The following AK7 variants were observed in gnomAD, a reference collection of about 807,000 sequenced individuals.
AK7 encodes the protein adenylate kinase 7, also known as ATP-AMP transphosphorylase 7.
A neutral mutation model predicts 96.6 loss-of-function variants in AK7; 78 were observed. The ratio of observed to expected loss-of-function variants is 0.81; its 90% CI spans 0.67 to 0.97. The LOEUF is 0.97. Among genes scored for constraint, AK7 ranks in the 50% least tolerant of loss-of-function variants. The pLI is 0.00. For synonymous variants in AK7, 302 were observed against 317.2 expected (o/e 0.95, Z 0.51); for missense variants, 855 against 887.9 (o/e 0.96, Z 0.47).
At chr14:96,400,185 C>T (rs1284603492) in intron 2 of AK7, among the ~76,000 whole-genome samples, 1 of 151,728 alleles carries the variant, frequency 6.6e-6, no homozygotes, top group African/African-American at 2.4e-5. Flanking sequence ...ACTACAAGCG[C>T]GTGCCACCAC....
rs79217064 is a variant in AK7 at position 96,394,510 on chromosome 14, G to A, written c.105+2251G>A. Among the ~76,000 whole-genome samples, 258 of 152,252 alleles carry A rather than the reference G, an allele frequency of 1.7e-3. 1 individual carries two copies. Among genetic ancestry groups the A allele is most frequent in the African/African-American group, 5.7e-3 (236 of 41,530 alleles). On this transcript the variant is annotated intron_variant, in intron 1 of 17. Transcript: ENST00000267584. ...TGTGGCCCTACTCAGCTCCTAAGCC[G>A]GGATGCACTCATGGTCTGTGCTCCA...
At chr14:96,469,911 G>A (rs924050806) in intron 12 of AK7, among the ~76,000 whole-genome samples, 9 of 151,986 alleles carry the variant, frequency 5.9e-5, no homozygotes, top group Non-Finnish European at 1.0e-4. Flanking sequence ...TCCGCCTCCC[G>A]GGTTCAAGCG....
chr14:96,412,767 G>A (rs576250058), intron 4 of AK7, among the ~76,000 whole-genome samples: 1 of 148,326 alleles, frequency 6.7e-6, no homozygotes, highest in East Asian at 2.0e-4. Flanking sequence ...GGGTTTCACC[G>A]TGTTGGCCAG....
At chr14:96,474,013 C>G (rs1895045237) in intron 14 of AK7, among the ~76,000 whole-genome samples, 1 of 152,176 alleles carries the variant, frequency 6.6e-6, no homozygotes, top group South Asian at 2.1e-4. Flanking sequence ...ACTGAGCAGG[C>G]ATTTCTTGTG....
intron 15 of AK7, 139 bp from the exon 16 acceptor site, chr14:96,482,860 T>G: frequency 1.1e-6 from 1 of 903,754 alleles, no homozygotes; most frequent in Admixed American, 2.7e-5. Context: ...TTCTGAACTA[T>G]GCTGGCAATT....
At chr14:96,480,507 G>A (rs1424424649) in intron 15 of AK7, among the ~76,000 whole-genome samples, 1 of 152,104 alleles carries the variant, frequency 6.6e-6, no homozygotes, top group African/African-American at 2.4e-5. Flanking sequence ...GCAGTGACTG[G>A]GTTTTGTCCT....
rs1890184648 is a variant in AK7 at position 96,398,146 on chromosome 14, T to C, written c.177T>C (p.Asn59=). 6.2e-7 allele frequency: 1 copy of C among 1,614,140 alleles called. No homozygotes were observed. The highest frequency in any genetic ancestry group is 2.2e-5 in the East Asian group (1 of 44,886). The change falls in exon 2 of 18, where the codon AAT becomes AAC. Residue 59 remains asparagine (N), a synonymous_variant. Transcript: ENST00000267584. Reference sequence around the variant, plus strand: ...AGGAAGAGGAAGAGGAAGATGAAAATAAGTCAGCTATGCTGGAAGCTTCCT... The same window carrying C: ...AGGAAGAGGAAGAGGAAGATGAAAACAAGTCAGCTATGCTGGAAGCTTCCT... The part of the protein sequence containing the change: ...ITEEEEEEDE[N]KSAMLEASST...
rs551366819 is a variant in AK7 at position 96,469,189 on chromosome 14, A to C, written c.1358-2289A>C. Reference sequence around the variant, plus strand: ...GGAATTGCAGCTAGATTTCTAGATTAAGTGCCTTTAATTTAACAACAAAGC... The same window carrying C: ...GGAATTGCAGCTAGATTTCTAGATTCAGTGCCTTTAATTTAACAACAAAGC... On this transcript the variant is annotated intron_variant, in intron 12 of 17. Coordinates refer to ENST00000267584, the MANE Select transcript of AK7 (RefSeq NM_152327.5). 2.6e-5 allele frequency among the ~76,000 whole-genome samples: 4 copies of C among 152,358 alleles called. No homozygotes were observed. In the South Asian group the frequency reaches 8.3e-4, roughly 32 times the overall value.
chr14:96,449,213 G>A (rs534752735), intron 8 of AK7, among the ~76,000 whole-genome samples: 1 of 151,866 alleles, frequency 6.6e-6, no homozygotes, highest in South Asian at 2.1e-4. Context: ...TGTAAATTCT[G>A]TGGGACACAG....
intron 4 of AK7, among the ~76,000 whole-genome samples, chr14:96,417,052 G>A (rs570460877): frequency 6.6e-6 from 1 of 152,318 alleles, no homozygotes; most frequent in South Asian, 2.1e-4. Context: ...AAGACAAAGG[G>A]TAGGGCAAAT....
At chr14:96,445,071 CTT>C (rs1426081121) in intron 7 of AK7, among the ~76,000 whole-genome samples, 3 of 152,206 alleles carry the variant, frequency 2.0e-5, no homozygotes, top group Non-Finnish European at 4.4e-5. Flanking sequence ...AGGAAACTAA[CTT>C]TGAAATGACC....
intron 6 of AK7, among the ~76,000 whole-genome samples, chr14:96,442,131 G>A (rs1456616268): frequency 1.3e-5 from 2 of 152,194 alleles, no homozygotes; most frequent in African/African-American, 4.8e-5. Flanking sequence ...CATCATGTCT[G>A]TTTGGTTACT....
intron 10 of AK7, among the ~76,000 whole-genome samples, chr14:96,452,666 T>TC (rs893985229): frequency 1.3e-5 from 2 of 150,426 alleles, no homozygotes; most frequent in Non-Finnish European, 2.9e-5. Flanking sequence ...TCTTTTCTTT[T>TC]CTTTTTTTTT....
chr14:96,418,273 G>A (rs114481482), intron 4 of AK7, among the ~76,000 whole-genome samples: 7,421 of 134,782 alleles, frequency 0.055, 687 homozygotes, highest in African/African-American at 0.19. Context: ...GCAGTGCGCT[G>A]TGATTGTGCC....
intron 5 of AK7, among the ~76,000 whole-genome samples, chr14:96,423,050 G>A (rs1891801927): frequency 6.6e-6 from 1 of 152,210 alleles, no homozygotes; most frequent in African/African-American, 2.4e-5. Flanking sequence ...AGACACAGAT[G>A]TAGGGATTCC....
chr14:96,457,833 A>G (rs1286421083), intron 11 of AK7, among the ~76,000 whole-genome samples: 1 of 152,220 alleles, frequency 6.6e-6, no homozygotes, highest in East Asian at 1.9e-4. Flanking sequence ...CATTAGAAAG[A>G]TGTTGGCTCA....
At chr14:96,466,071 T>C (rs116389322) in intron 12 of AK7, among the ~76,000 whole-genome samples, 1,884 of 149,978 alleles carry the variant, frequency 0.013, 40 homozygotes, top group African/African-American at 0.044. Context: ...TTGGAGGAAG[T>C]TTTTTTGGTG....
intron 2 of AK7, 72 bp downstream of exon 2, chr14:96,398,335 T>A: frequency 6.5e-7 from 1 of 1,534,280 alleles, no homozygotes. Flanking sequence ...CCTTGACAAC[T>A]TGTTTTACTG....
intron 12 of AK7, among the ~76,000 whole-genome samples, chr14:96,468,062 C>T (rs1299284383): frequency 2.2e-5 from 3 of 137,388 alleles, no homozygotes; most frequent in South Asian, 4.9e-4. Context: ...CATAGCAAGA[C>T]CCCGTCTCTA....
Sources: allele counts gnomAD v4.1 joint callset (sites outside exome capture counted in the v4.1 genomes callset), GRCh38; gene constraint gnomAD v4.1.1; transcripts MANE v1.5; gene names NCBI Gene and HGNC (gene_info 2026-07-23, HGNC 2026-07-21).